Variants in ELMO2 observed in about 807,000 individuals in gnomAD.
ELMO2 encodes engulfment and cell motility 2, also known as engulfment and cell motility protein 2.
In ELMO2, 37 loss-of-function variants were observed where a neutral mutation model predicts 96.2. The ratio of observed to expected loss-of-function variants is 0.38; its 90% CI spans 0.30 to 0.51. The LOEUF (loss-of-function observed/expected upper bound fraction) is 0.51, where lower values mean the gene tolerates loss of function less well. Ranked by LOEUF, ELMO2 falls within the 20% of genes least tolerant of loss-of-function variation. The pLI is 0.88. For synonymous variants in ELMO2, 315 were observed against 329.4 expected (o/e 0.96, Z 0.47); for missense variants, 561 against 912.6 (o/e 0.61, Z 4.96).
chr20:46,373,588 G>A (rs1019503888), intron 15 of ELMO2, 53 bp from the exon 16 acceptor site: 6 of 1,593,840 alleles, frequency 3.8e-6, no homozygotes, highest in Middle Eastern at 1.7e-4. Flanking sequence ...ACAAGGGCCT[G>A]GGAGCTCATG....
intron 1 of ELMO2, among the ~76,000 whole-genome samples, chr20:46,406,248 ACCGCTG>A (rs1334743269): frequency 6.7e-6 from 1 of 149,358 alleles, no homozygotes; most frequent in African/African-American, 2.5e-5. Context: ...TCTCCCTCCG[ACCGCTG>A]CCCAGCCCAG....
intron 21 of ELMO2, among the ~76,000 whole-genome samples, 194 bp downstream of exon 21, chr20:46,368,697 C>A (rs1312835633): frequency 3.1e-4 from 2 of 6,360 alleles, no homozygotes; most frequent in African/African-American, 3.6e-4. Flanking sequence ...ATCTGGGTGC[C>A]CCCCCAACCA....
At position 46,394,323 on chromosome 20, in the gene ELMO2, T is replaced by TC. The variant is rs1162995484; in HGVS notation, c.78+81dup. On this transcript the variant is annotated intron_variant, in intron 3 of 21. Transcript: ENST00000290246. ...TCGTTCTTACTCTTGATGCCGGTGGTCCCCATCCCTCAAGATGTCCTCTGC... is the reference window on the plus strand; with the variant it reads ...TCGTTCTTACTCTTGATGCCGGTGGTCCCCCATCCCTCAAGATGTCCTCTGC... 8.6e-5 allele frequency: 126 copies of TC among 1,458,052 alleles called. 2 individuals are homozygous for TC. The South Asian group carries it at 1.4e-3, about 16-fold the overall frequency. The allele number at this position is 1,458,052 out of a possible 1,614,324, so 90.3% of individuals were successfully genotyped here. A position where few individuals can be genotyped will look rare whatever the true frequency, so the allele number is the denominator to read the frequency against.
At chr20:46,401,647 T>A (rs1450002996) in intron 1 of ELMO2, among the ~76,000 whole-genome samples, 2 of 152,216 alleles carry the variant, frequency 1.3e-5, no homozygotes, top group Non-Finnish European at 2.9e-5. Context: ...GTGGTGGAAC[T>A]GGCTTTCAGA....
chr20:46,380,335 G>A (rs1205852063), intron 10 of ELMO2, 32 bp from the exon 11 acceptor site: 1 of 1,590,310 alleles, frequency 6.3e-7, no homozygotes, highest in African/African-American at 1.3e-5. Context: ...TATAAGGCAG[G>A]GTGGCAGGCA....
intron 1 of ELMO2, among the ~76,000 whole-genome samples, chr20:46,406,277 A>C (rs1006554291): frequency 6.6e-6 from 1 of 151,042 alleles, no homozygotes; most frequent in Non-Finnish European, 1.5e-5. Flanking sequence ...CCCGTGCCTG[A>C]CTGCCTGGCC....
In ELMO2 at chr20:46,367,408, G is replaced by C; in HGVS notation, c.2115C>G (p.Pro705=). 1 of 1,608,368 alleles carries C rather than the reference G, an allele frequency of 6.2e-7. No individual in the cohort carries two copies. Among genetic ancestry groups the C allele is most frequent in the South Asian group, 1.1e-5 (1 of 90,134 alleles). The change falls in exon 22 of 22, where the codon CCC becomes CCG. Residue 705 remains proline, a synonymous_variant. Transcript: ENST00000290246. The stretch of plus-strand genomic sequence containing the variant: ...CATAGCTGCTGGGCTCCTTGGGGAT[G>C]GGGGGTGGGGCTTCGGGAATCTGGA... ...ENIQIPEAPP[P]IPKEPSSYDF...
intron 10 of ELMO2, among the ~76,000 whole-genome samples, chr20:46,382,731 T>G (rs1341611638): frequency 6.6e-6 from 1 of 152,224 alleles, no homozygotes; most frequent in African/African-American, 2.4e-5. Flanking sequence ...ACAGGGATCT[T>G]GTTTTTCCTC....
rs2060042794 is a variant in ELMO2 at position 46,386,308 on chromosome 20, C to T, written c.526-33G>A. On this transcript the variant is annotated intron_variant, in intron 8 of 21. Coordinates refer to ENST00000290246, the MANE Select transcript of ELMO2 (RefSeq NM_133171.5). ...CAGAGATGGCACATCAATTGAGAAG[C>T]TCAGGGCCCAAGAAAGATAGAAGCT... 6 of 1,609,608 alleles carry T rather than the reference C, an allele frequency of 3.7e-6. No homozygotes were observed. The Admixed American group carries it at 8.4e-5, about 22-fold the overall frequency.
At chr20:46,370,134 A>C in intron 20 of ELMO2, 1 of 480,944 alleles carries the variant, frequency 2.1e-6, no homozygotes. Context: ...GTGCTAATGG[A>C]CTGGTGGCAA....
At chr20:46,369,255 G>A (rs867897675) in intron 20 of ELMO2, 3 of 310,426 alleles carry the variant, frequency 9.7e-6, no homozygotes, top group Admixed American at 4.5e-5. Context: ...CACGATCCAT[G>A]ACTGTAAGTT....
chr20:46,397,872 T>A (rs568500145), intron 2 of ELMO2, among the ~76,000 whole-genome samples: 1 of 152,218 alleles, frequency 6.6e-6, no homozygotes, highest in East Asian at 1.9e-4. Context: ...GAGGAATCCA[T>A]AAATATCTAA....
chr20:46,378,953 T>G (rs1277433714), intron 11 of ELMO2, among the ~76,000 whole-genome samples: 1 of 152,236 alleles, frequency 6.6e-6, no homozygotes, highest in African/African-American at 2.4e-5. Context: ...CCCTTCACTG[T>G]GGTCTCCCAG....
chr20:46,374,253 T>G (rs1331184454), intron 15 of ELMO2, 79 bp downstream of exon 15: 1 of 1,200,732 alleles, frequency 8.3e-7, no homozygotes, highest in Non-Finnish European at 1.2e-6. Context: ...CACTGACATG[T>G]AACTGTTTAT....
At chr20:46,382,351 G>T in intron 10 of ELMO2, 1 of 1,001,194 alleles carries the variant, frequency 1.0e-6, no homozygotes, top group Non-Finnish European at 1.4e-6. Flanking sequence ...ATCCAAGAAA[G>T]ACAAGGACAG....
At chr20:46,405,960 C>A (rs1282130323) in intron 1 of ELMO2, among the ~76,000 whole-genome samples, 1 of 152,114 alleles carries the variant, frequency 6.6e-6, no homozygotes, top group Non-Finnish European at 1.5e-5. Flanking sequence ...CCTGTGCCTG[C>A]GCAGGGCAGA....
intron 20 of ELMO2, chr20:46,369,540 A>G (rs1464705533): frequency 6.5e-6 from 1 of 153,420 alleles, no homozygotes; most frequent in Non-Finnish European, 1.5e-5. Flanking sequence ...AATGAAAAGC[A>G]ATGACTGCAT....
intron 10 of ELMO2, chr20:46,382,126 C>A: frequency 8.2e-7 from 1 of 1,214,996 alleles, no homozygotes. Flanking sequence ...ACATCTAGAT[C>A]AGACCATGAG....
In ELMO2 at chr20:46,403,783, T is replaced by C. The variant is rs1173782940; in HGVS notation, c.-126+2765A>G. On this transcript the variant is annotated intron_variant, in intron 1 of 21. Transcript: ENST00000290246. ...CACGTGGTAGATACTCAGTGAGCAATTGCTGAACTGGGGCTGTAGGCCGGG... is the reference window on the plus strand; with the variant it reads ...CACGTGGTAGATACTCAGTGAGCAACTGCTGAACTGGGGCTGTAGGCCGGG... Among the ~76,000 whole-genome samples the C allele has an allele frequency of 3.3e-5, 5 of 152,168 alleles. No individual in the cohort carries two copies. The South Asian group carries it at 6.2e-4, about 19-fold the overall frequency.
Sources: allele counts gnomAD v4.1 joint callset (sites outside exome capture counted in the v4.1 genomes callset), GRCh38; gene constraint gnomAD v4.1.1; transcripts MANE v1.5; gene names NCBI Gene and HGNC (gene_info 2026-07-23, HGNC 2026-07-21).